RANBP17: variants seen among roughly 807,000 people sequenced by gnomAD.
RANBP17 encodes RAN binding protein 17.
Under a neutral mutation model 141.2 loss-of-function variants are expected in RANBP17, and 158 were observed. That is an observed-to-expected ratio of 1.12 (90% confidence interval 0.98 to 1.28). The LOEUF is 1.28. RANBP17 is among the 50% of genes most tolerant of loss of function. The pLI is 0.00. For missense variants in RANBP17, 1,438 were observed against 1,290.7 expected (o/e 1.11, Z -1.75); for synonymous variants, 430 against 450.0 (o/e 0.96, Z 0.56).
At chr5:171,257,828 A>G (rs967803032) in intron 24 of RANBP17, among the ~76,000 whole-genome samples, 3 of 152,142 alleles carry the variant, frequency 2.0e-5, no homozygotes, top group African/African-American at 7.2e-5. Context: ...CTAGGAAGCC[A>G]GGCACGGTGG....
chr5:171,060,626 T>G (rs577523353), intron 14 of RANBP17, among the ~76,000 whole-genome samples: 4,103 of 152,022 alleles, frequency 0.027, 178 homozygotes, highest in African/African-American at 0.092. Context: ...AAAATTCTCT[T>G]TTTTGGTTGT....
At chr5:171,005,560 G>T (rs1181337266) in intron 14 of RANBP17, among the ~76,000 whole-genome samples, 7 of 152,140 alleles carry the variant, frequency 4.6e-5, no homozygotes, top group South Asian at 4.1e-4. Context: ...GCTGAAACTG[G>T]ATCCCTTCCT....
chr5:170,905,745 G>A (rs1214485356), intron 5 of RANBP17, among the ~76,000 whole-genome samples: 2 of 152,080 alleles, frequency 1.3e-5, no homozygotes, highest in African/African-American at 4.8e-5. Flanking sequence ...TCATAAAAGT[G>A]AAGAGAATAG....
At chr5:171,120,525 T>A (rs929854774) in intron 14 of RANBP17, among the ~76,000 whole-genome samples, 1 of 152,250 alleles carries the variant, frequency 6.6e-6, no homozygotes, top group Non-Finnish European at 1.5e-5. Context: ...GTATTTTTCA[T>A]TTCACTCATT....
intron 14 of RANBP17, among the ~76,000 whole-genome samples, chr5:171,165,080 G>A (rs952926102): frequency 6.6e-6 from 1 of 152,214 alleles, no homozygotes; most frequent in Non-Finnish European, 1.5e-5. Context: ...TCAATGAAAG[G>A]TTGTACAGGG....
chr5:170,916,648 A>G (rs1771997429), intron 9 of RANBP17, 64 bp downstream of exon 9: 1 of 1,058,360 alleles, frequency 9.4e-7, no homozygotes, highest in South Asian at 2.1e-5. Flanking sequence ...AAGGCACATA[A>G]TAAACTCATC....
rs896475828 is a variant in RANBP17, at chr5:171,154,119, T to A, written c.1711-16011T>A. 9.6e-3 allele frequency among the ~76,000 whole-genome samples: 1,264 copies of A among 131,464 alleles called. 62 individuals are homozygous for A. Among genetic ancestry groups the A allele is most frequent in the Admixed American group, 0.085 (1,110 of 13,084 alleles). The allele number at this position is 131,464 out of a possible 152,430, so 86.2% of individuals were successfully genotyped here. On this transcript the variant is annotated intron_variant, in intron 14 of 27. Coordinates refer to ENST00000523189, the MANE Select transcript of RANBP17 (RefSeq NM_022897.5). Reference sequence around the variant, plus strand: ...TTTAGTTTTTTTTTTTTTTTTTTTTTAACCAAATTAAGGGGGTTGAGGACA... The same window carrying A: ...TTTAGTTTTTTTTTTTTTTTTTTTTAAACCAAATTAAGGGGGTTGAGGACA...
intron 24 of RANBP17, among the ~76,000 whole-genome samples, chr5:171,264,102 G>T (rs894950834): frequency 5.3e-5 from 8 of 152,064 alleles, no homozygotes; most frequent in African/African-American, 1.9e-4. Flanking sequence ...ATATATTTTT[G>T]CTTATTACCT....
intron 14 of RANBP17, among the ~76,000 whole-genome samples, chr5:171,002,296 G>C (rs1779264623): frequency 6.6e-6 from 1 of 151,160 alleles, no homozygotes; most frequent in East Asian, 2.0e-4. Context: ...GTAGGTGGGA[G>C]TGACTGATGA....
intron 14 of RANBP17, among the ~76,000 whole-genome samples, chr5:171,016,248 T>A (rs1003235891): frequency 2.6e-5 from 4 of 151,908 alleles, no homozygotes; most frequent in African/African-American, 9.7e-5. Flanking sequence ...GTGTCTAGGT[T>A]TTTTTAGTTG....
chr5:171,084,158 G>T (rs1222137341), intron 14 of RANBP17, among the ~76,000 whole-genome samples: 1 of 133,532 alleles, frequency 7.5e-6, no homozygotes, highest in African/African-American at 2.9e-5. Flanking sequence ...TCCCCTTCCT[G>T]TGTCCATGTG....
In RANBP17 at chr5:170,954,802, T is replaced by C. The variant is rs547541423; in HGVS notation, c.1574+1100T>C. 5.3e-5 allele frequency among the ~76,000 whole-genome samples: 8 copies of C among 152,300 alleles called. No homozygotes were observed. In the East Asian group the frequency reaches 1.5e-3, roughly 29 times the overall value. ...GCTGGTCAAAAGTTATGTAGCATTT[T>C]AAAGACTTTCAATACTCAATACCAC... On this transcript the variant is annotated intron_variant, in intron 13 of 27. Coordinates refer to ENST00000523189, the MANE Select transcript of RANBP17 (RefSeq NM_022897.5).
At chr5:171,234,706 G>C (rs1245804711) in intron 22 of RANBP17, among the ~76,000 whole-genome samples, 1 of 152,196 alleles carries the variant, frequency 6.6e-6, no homozygotes, top group African/African-American at 2.4e-5. Context: ...CAACTAGAAA[G>C]AAGTAGTTGC....
chr5:171,219,768 G>T (rs1304830579), intron 21 of RANBP17, among the ~76,000 whole-genome samples: 2 of 151,932 alleles, frequency 1.3e-5, no homozygotes, highest in Non-Finnish European at 2.9e-5. Context: ...TCTCTAAACA[G>T]ATTATTCTAG....
intron 12 of RANBP17, among the ~76,000 whole-genome samples, chr5:170,938,389 T>C (rs1190128990): frequency 6.6e-6 from 1 of 152,186 alleles, no homozygotes; most frequent in Non-Finnish European, 1.5e-5. Context: ...GTTAAACAAG[T>C]GTTCATAGTA....
intron 14 of RANBP17, among the ~76,000 whole-genome samples, chr5:171,078,375 C>T (rs559866393): frequency 1.3e-5 from 2 of 152,228 alleles, no homozygotes; most frequent in Admixed American, 1.3e-4. Context: ...AGGCTGGTCT[C>T]AAACTCCTGA....
intron 12 of RANBP17, among the ~76,000 whole-genome samples, chr5:170,936,802 G>A (rs949738756): frequency 6.6e-6 from 1 of 152,118 alleles, no homozygotes; most frequent in South Asian, 2.1e-4. Flanking sequence ...TGCAGAGAGA[G>A]GGGTGTTAAA....
chr5:170,938,688 G>A (rs1290176411), intron 12 of RANBP17, among the ~76,000 whole-genome samples: 1 of 152,194 alleles, frequency 6.6e-6, no homozygotes, highest in African/African-American at 2.4e-5. Context: ...TTTCATGGAT[G>A]TGTTAAACAG....
In RANBP17 at chr5:171,251,669, A is replaced by G. The variant is rs537803328; in HGVS notation, c.2776+8849A>G. 3.3e-5 allele frequency among the ~76,000 whole-genome samples: 5 copies of G among 152,320 alleles called. No individual in the cohort carries two copies. In the East Asian group the frequency reaches 9.6e-4, roughly 29 times the overall value. ...CTTGAGCGCCGGTGGCGACGAAGGCAGTGGCGGCCCAGCGGGCTCAGTGTG... is the reference window on the plus strand; with the variant it reads ...CTTGAGCGCCGGTGGCGACGAAGGCGGTGGCGGCCCAGCGGGCTCAGTGTG... On this transcript the variant is annotated intron_variant, in intron 24 of 27. Transcript: ENST00000523189.
Sources: gnomAD v4.1 joint callset for allele counts (sites outside exome capture counted in the v4.1 genomes callset) on GRCh38, gnomAD v4.1.1 for gene constraint, MANE v1.5 for transcripts, NCBI Gene and HGNC (gene_info 2026-07-23, HGNC 2026-07-21) for gene names.